The following SUPT5H variants were observed in gnomAD, a reference collection of about 807,000 sequenced individuals.
The protein encoded by SUPT5H is transcription elongation factor SPT5.
In SUPT5H, 24 loss-of-function variants were observed where a neutral mutation model predicts 142.5. The ratio of observed to expected loss-of-function variants is 0.17; its 90% confidence interval spans 0.12 to 0.24. SUPT5H has a LOEUF of 0.24. Ranked by LOEUF, SUPT5H falls within the 10% of genes least tolerant of loss-of-function variation. SUPT5H has a pLI of 1.00. For synonymous variants in SUPT5H, 546 were observed against 553.0 expected (o/e 0.99, Z 0.18); for missense variants, 893 against 1,471.8 (o/e 0.61, Z 6.43).
intron 4 of SUPT5H, 86 bp downstream of exon 4, chr19:39,457,826 C>A (rs763330105): frequency 1.3e-6 from 2 of 1,576,712 alleles, no homozygotes; most frequent in Non-Finnish European, 1.7e-6. Context: ...ACCCCCGCAT[C>A]CCCTGTACAC....
Position 39,466,358 on chromosome 19 carries a change from C to A in SUPT5H, c.877-122C>A. 1.1e-6 allele frequency: 1 copy of A among 895,950 alleles called. No individual in the cohort carries two copies. The highest frequency in any genetic ancestry group is 1.5e-5 in the South Asian group (1 of 68,446). 55.5% of individuals were successfully genotyped at this position (895,950 alleles called of 1,614,324 possible). On this transcript the variant is annotated intron_variant, in intron 11 of 29. Transcript: ENST00000432763. This position sits in a 1 kb window ranked among gnomAD's most constrained non-coding sequence, Gnocchi z 4.3. ...GCGTGGGACTTTTGGGAGTGGTCAG[C>A]AGCCTGGTTTCTTCCCCACCATCCT...
Position 39,474,895 on chromosome 19 carries a change from G to A in SUPT5H, c.3024+177G>A, listed in dbSNP as rs1568435181. ...AAGGAGGCATCTTACCTGATTTAGC[G>A]GGGAATCAGGGAGGGCTGCCTGGGG... On this transcript the variant is annotated intron_variant, in intron 28 of 29. Coordinates refer to ENST00000432763, the MANE Select transcript of SUPT5H (RefSeq NM_001111020.3). The surrounding 1 kb of genome is among the most constrained non-coding windows in gnomAD (Gnocchi z 6.5). 2.0e-5 allele frequency: 14 copies of A among 687,614 alleles called. No individual in the cohort carries two copies. The highest frequency in any genetic ancestry group is 1.5e-4 in the South Asian group (8 of 52,482). 42.6% of individuals were successfully genotyped at this position (687,614 alleles called of 1,614,324 possible).
At chr19:39,463,278 A>G (rs1042606425) in intron 10 of SUPT5H, among the ~76,000 whole-genome samples, 40 of 152,256 alleles carry the variant, frequency 2.6e-4, no homozygotes, top group African/African-American at 9.6e-4. Context: ...CTGGGATTAC[A>G]GGCATGAGCC....
At chr19:39,475,552 T>A (rs1414071636) in intron 28 of SUPT5H, among the ~76,000 whole-genome samples, 1 of 151,188 alleles carries the variant, frequency 6.6e-6, no homozygotes, top group Non-Finnish European at 1.5e-5. Flanking sequence ...GAATTCTCCA[T>A]CAGTGATGGA....
chr19:39,465,495 T>G (rs568407495), intron 11 of SUPT5H, among the ~76,000 whole-genome samples: 2 of 152,306 alleles, frequency 1.3e-5, no homozygotes, highest in East Asian at 3.9e-4. Context: ...GTGACTGTGT[T>G]GAGACTAGAC....
At position 39,445,840 on chromosome 19, in the gene SUPT5H, C is replaced by T. The variant is rs779072532; in HGVS notation, c.-51C>T. Reference sequence around the variant, plus strand: ...GGAAACTGAGGCTCGGGGTGGAGCGCAGGATTGTGGGACGCGCCAAGGCTG... The same window carrying T: ...GGAAACTGAGGCTCGGGGTGGAGCGTAGGATTGTGGGACGCGCCAAGGCTG... On this transcript the variant is annotated 5_prime_UTR_variant, in exon 2 of 30. Coordinates refer to ENST00000432763, the MANE Select transcript of SUPT5H (RefSeq NM_001111020.3). The T allele has an allele frequency of 1.3e-6, 2 of 1,598,920 alleles. No individual in the cohort carries two copies. The highest frequency in any genetic ancestry group is 1.3e-5 in the African/African-American group (1 of 74,904).
chr19:39,462,839 C>CTTTTTTTTT (rs71169597), intron 10 of SUPT5H, among the ~76,000 whole-genome samples: 1 of 110,354 alleles, frequency 9.1e-6, no homozygotes, highest in Non-Finnish European at 1.7e-5. Context: ...CCTTAATTTT[C>CTTTTTTTTT]TTTTTTTTTT....
In SUPT5H at chr19:39,471,345, C is replaced by G. The variant is rs1228770403; in HGVS notation, c.1678-12C>G. The G allele has an allele frequency of 1.9e-6, 3 of 1,614,072 alleles. No homozygotes were observed. The highest frequency in any genetic ancestry group is 1.3e-5 in the African/African-American group (1 of 74,940). On this transcript the variant is annotated splice_polypyrimidine_tract_variant and intron_variant, in intron 18 of 29. Coordinates refer to ENST00000432763, the MANE Select transcript of SUPT5H (RefSeq NM_001111020.3). ...TTCTCACCCCCACAGCCTCCCTGCT[C>G]TCCCTCTGTAGGTGCTGAACATGTA...
rs1277045862 is a variant in SUPT5H at position 39,470,795 on chromosome 19, G to T, written c.1677+272G>T. ...AGGTTAGATCTGTACCCTGGTGGCT[G>T]TTGCTCGCTCAAGGATGGAGTGCCA... On this transcript the variant is annotated intron_variant, in intron 18 of 29. Coordinates refer to ENST00000432763, the MANE Select transcript of SUPT5H (RefSeq NM_001111020.3). This position sits in a 1 kb window ranked among gnomAD's most constrained non-coding sequence, Gnocchi z 5.8. 6.6e-6 allele frequency among the ~76,000 whole-genome samples: 1 copy of T among 152,170 alleles called. No individual in the cohort carries two copies. The highest frequency in any genetic ancestry group is 2.4e-5 in the African/African-American group (1 of 41,422).
In SUPT5H at chr19:39,472,252, G is replaced by A. The variant is rs1282341886; in HGVS notation, c.1951-157G>A. Among the ~76,000 whole-genome samples, 6 of 152,172 alleles carry A rather than the reference G, an allele frequency of 3.9e-5. No homozygotes were observed. The highest frequency in any genetic ancestry group is 3.3e-4 in the Admixed American group (5 of 15,276). On this transcript the variant is annotated intron_variant, in intron 20 of 29. Coordinates refer to ENST00000432763, the MANE Select transcript of SUPT5H (RefSeq NM_001111020.3). This position sits in a 1 kb window ranked among gnomAD's most constrained non-coding sequence, Gnocchi z 4.2. ...CAAAGGCCCTGAGGTGGGGCTTGTA[G>A]GAAAGTGTGCAGGACCAGCTGTCAC...
chr19:39,445,797 C>T lies in SUPT5H; in HGVS notation c.-87-7C>T. ...CGGAAGCGCCCTAAGGGGTTTTCTT[C>T]TCCCAGGGAACCAGCGGGGAAACTG... On this transcript the variant is annotated splice_region_variant and splice_polypyrimidine_tract_variant and intron_variant, in intron 1 of 29. Coordinates refer to ENST00000432763, the MANE Select transcript of SUPT5H (RefSeq NM_001111020.3). 1.3e-6 allele frequency: 2 copies of T among 1,489,728 alleles called. No individual in the cohort carries two copies. Among genetic ancestry groups the T allele is most frequent in the Non-Finnish European group, 9.2e-7 (1 of 1,090,386 alleles). The allele number at this position is 1,489,728 out of a possible 1,614,324, so 92.3% of individuals were successfully genotyped here. A position where few individuals can be genotyped will look rare whatever the true frequency, so the allele number is the denominator to read the frequency against.
chr19:39,472,315 TCTC>T lies in SUPT5H; in HGVS notation c.1951-90_1951-88del. 1.6e-6 allele frequency: 2 copies of T among 1,220,132 alleles called. No homozygotes were observed. Among genetic ancestry groups the T allele is most frequent in the Non-Finnish European group, 2.4e-6 (2 of 836,878 alleles). The allele number at this position is 1,220,132 out of a possible 1,614,324, so 75.6% of individuals were successfully genotyped here. ...GCCTGGGGTGTGGGTGGCTGGGTGG[TCTC>T]CTCAGGGCCCTGCACGTGGGATGAT... On this transcript the variant is annotated intron_variant, in intron 20 of 29. Coordinates refer to ENST00000432763, the MANE Select transcript of SUPT5H (RefSeq NM_001111020.3). This position sits in a 1 kb window ranked among gnomAD's most constrained non-coding sequence, Gnocchi z 4.2.
At chr19:39,454,506 G>C (rs2146083460) in intron 3 of SUPT5H, among the ~76,000 whole-genome samples, 1 of 152,106 alleles carries the variant, frequency 6.6e-6, no homozygotes, top group Admixed American at 6.5e-5. Context: ...CACCATGCCT[G>C]GCTAATTTTT....
At chr19:39,462,297 C>T (rs1181247884) in intron 10 of SUPT5H, among the ~76,000 whole-genome samples, 1 of 152,118 alleles carries the variant, frequency 6.6e-6, no homozygotes, top group African/African-American at 2.4e-5. Context: ...AATTCCAGGA[C>T]ATTTTCATTA....
rs748184839 is a variant in SUPT5H, at chr19:39,464,897, G to A, written c.724G>A (p.Val242Met). ...QTHVKQAIEG[V>M]GNLRLGYWNQ... ...CCACGTGAAGCAGGCCATTGAGGGG[G>A]TGGGCAACCTGCGGCTTGGCTACTG... Residue 242 changes from valine (V) to methionine (M), a missense_variant, in exon 11 of 30, where the codon GTG becomes ATG. Coordinates refer to ENST00000432763, the MANE Select transcript of SUPT5H (RefSeq NM_001111020.3). 2 of 1,614,052 alleles carry A rather than the reference G, an allele frequency of 1.2e-6. No individual in the cohort carries two copies. Among genetic ancestry groups the A allele is most frequent in the Non-Finnish European group, 1.7e-6 (2 of 1,180,022 alleles).
At position 39,471,482 on chromosome 19, in the gene SUPT5H, G is replaced by A; in HGVS notation, c.1803G>A (p.Lys601=). 6.2e-7 allele frequency: 1 copy of A among 1,614,236 alleles called. No individual in the cohort carries two copies. Among genetic ancestry groups the A allele is most frequent in the Non-Finnish European group, 8.5e-7 (1 of 1,180,046 alleles). Residue 601 remains lysine, a synonymous_variant, in exon 19 of 30, where the codon AAG becomes AAA. Coordinates refer to ENST00000432763, the MANE Select transcript of SUPT5H (RefSeq NM_001111020.3). ...ACATCCATGTGAAAGACATCGTTAA[G>A]GTCATTGATGGCCCCCACTCAGTGA... ...QNNIHVKDIV[K]VIDGPHSGRE... is the part of the protein sequence containing the mutation.
rs2079404106 is a variant in SUPT5H at position 39,476,240 on chromosome 19, T to C, written c.3121-16T>C. 1 of 1,613,978 alleles carries C rather than the reference T, an allele frequency of 6.2e-7. No individual in the cohort carries two copies. Among genetic ancestry groups the C allele is most frequent in the Non-Finnish European group, 8.5e-7 (1 of 1,179,990 alleles). On this transcript the variant is annotated splice_polypyrimidine_tract_variant and intron_variant, in intron 29 of 29. Transcript: ENST00000432763. ...GGTGCTGACATGGACCCTGACCATATTCCCCCCACCCCCAGGTGAAAGTGA... is the reference window on the plus strand; with the variant it reads ...GGTGCTGACATGGACCCTGACCATACTCCCCCCACCCCCAGGTGAAAGTGA...
rs1022251015 is a variant in SUPT5H, at chr19:39,459,440, CAGTG to C, written c.525-114_525-111del. 5 of 1,414,710 alleles carry C rather than the reference CAGTG, an allele frequency of 3.5e-6. No individual in the cohort carries two copies. In the African/African-American group the frequency reaches 5.7e-5, roughly 16 times the overall value. The allele number at this position is 1,414,710 out of a possible 1,614,324, so 87.6% of individuals were successfully genotyped here. ...CTCCTGGGTAGAAGCGTGGGGAAGT[CAGTG>C]AGTGTGAGGGAACCTGGATGTGAAA... On this transcript the variant is annotated intron_variant, in intron 8 of 29. Transcript: ENST00000432763.
chr19:39,458,165 T>A lies in SUPT5H; in HGVS notation c.308-129T>A. 2 of 1,440,260 alleles carry A rather than the reference T, an allele frequency of 1.4e-6. No homozygotes were observed. The highest frequency in any genetic ancestry group is 1.8e-6 in the Non-Finnish European group (2 of 1,081,908). 89.2% of individuals were successfully genotyped at this position (1,440,260 alleles called of 1,614,324 possible). A position where few individuals can be genotyped will look rare whatever the true frequency, so the allele number is the denominator to read the frequency against. Reference sequence around the variant, plus strand: ...TTTTCAACCTTTCTGTGTCCCTCCCTTCCCCTCCCCCAACCCATTGGTTGA... The same window carrying A: ...TTTTCAACCTTTCTGTGTCCCTCCCATCCCCTCCCCCAACCCATTGGTTGA... On this transcript the variant is annotated intron_variant, in intron 4 of 29. Transcript: ENST00000432763. This position sits in a 1 kb window ranked among gnomAD's most constrained non-coding sequence, Gnocchi z 4.2.
Sources: gnomAD v4.1 joint callset for allele counts (sites outside exome capture counted in the v4.1 genomes callset) on GRCh38, gnomAD v4.1.1 for gene constraint, Gnocchi (gnomAD v3.1) non-coding constraint, MANE v1.5 for transcripts, NCBI Gene and HGNC (gene_info 2026-07-23, HGNC 2026-07-21) for gene names.